The following STX8 variants were observed in gnomAD, a reference collection of about 807,000 sequenced individuals.
STX8 encodes syntaxin-8.
In STX8, 23 loss-of-function variants were observed where a neutral mutation model predicts 37.5. The ratio of observed to expected loss-of-function variants is 0.61; its 90% CI spans 0.44 to 0.87. The LOEUF is 0.87. STX8 is among the 40% of genes least tolerant of loss of function. The pLI is 0.00. For synonymous variants in STX8, 115 were observed against 99.1 expected, an observed-to-expected ratio of 1.16 and a Z score of -0.95; for missense variants, 313 against 284.7, an observed-to-expected ratio of 1.10 and a Z score of -0.71.
At chr17:9,409,825 T>A (rs1265946914) in intron 6 of STX8, among the ~76,000 whole-genome samples, 1 of 152,226 alleles carries the variant, frequency 6.6e-6, no homozygotes, top group Non-Finnish European at 1.5e-5. Context: ...TCCTCCCTTG[T>A]GAATGCTTTT....
intron 6 of STX8, among the ~76,000 whole-genome samples, chr17:9,396,466 T>G (rs1912406332): frequency 6.6e-6 from 1 of 151,842 alleles, no homozygotes; most frequent in Admixed American, 6.6e-5. Context: ...GCGGGTCATC[T>G]GAGGTCAGCT....
At chr17:9,461,431 T>C (rs56406521) in intron 6 of STX8, 5,653 of 152,298 alleles carry the variant, frequency 0.037, 129 homozygotes, top group East Asian at 0.064. Context: ...AAATTATGAA[T>C]ACATTGTTCC....
At chr17:9,417,213 TA>T (rs1913232588) in intron 6 of STX8, among the ~76,000 whole-genome samples, 1 of 152,222 alleles carries the variant, frequency 6.6e-6, no homozygotes, top group Non-Finnish European at 1.5e-5. Context: ...TCTACTGCAA[TA>T]ACGCTGTCTC....
At chr17:9,288,675 AAAAT>A (rs560148486) in intron 7 of STX8, among the ~76,000 whole-genome samples, 2,335 of 151,032 alleles carry the variant, frequency 0.015, 49 homozygotes, top group African/African-American at 0.053. Flanking sequence ...ATAAATAAAT[AAAAT>A]AAATAAATAA....
intron 7 of STX8, among the ~76,000 whole-genome samples, chr17:9,332,710 C>G (rs1352038243): frequency 6.6e-6 from 1 of 152,212 alleles, no homozygotes; most frequent in African/African-American, 2.4e-5. Flanking sequence ...AGAGGGCCTT[C>G]TGGCTGTCTA....
chr17:9,308,538 G>C (rs1273492510), intron 7 of STX8, among the ~76,000 whole-genome samples: 1 of 151,874 alleles, frequency 6.6e-6, no homozygotes, highest in Non-Finnish European at 1.5e-5. Context: ...GCCTGGCCAA[G>C]ATGGTGAAAC....
intron 7 of STX8, among the ~76,000 whole-genome samples, chr17:9,339,070 C>CAAAAAAAAAAAAAAAAAAAAAAAAAAA (rs34987749): frequency 1.1e-4 from 8 of 70,018 alleles, no homozygotes; most frequent in African/African-American, 4.5e-4. Context: ...GACTCCGTCT[C>CAAAAAAAAAAAAAAAAAAAAAAAAAAA]AAAAAAAAAA....
chr17:9,568,325 C>T, intron 2 of STX8, 46 bp downstream of exon 2: 1 of 1,506,154 alleles, frequency 6.6e-7, no homozygotes, highest in Non-Finnish European at 9.2e-7. Flanking sequence ...TTTCAGGCCT[C>T]AAAACTCAAA....
chr17:9,545,458 C>T lies in STX8; in HGVS notation c.213-176G>A, dbSNP rs184793285. ...GCTCTGACCTTCACCTTCACCAGGC[C>T]GTCAGGTAAAGGACCTTGGCAGGAC... On this transcript the variant is annotated intron_variant, in intron 3 of 7. Coordinates refer to ENST00000306357, the MANE Select transcript of STX8 (RefSeq NM_004853.3). Among the ~76,000 whole-genome samples the T allele has an allele frequency of 1.5e-4, 23 of 152,272 alleles. 1 individual carries two copies. The South Asian group carries it at 2.5e-3, about 16-fold the overall frequency.
chr17:9,455,435 G>A (rs1905160846), intron 6 of STX8, among the ~76,000 whole-genome samples: 1 of 152,052 alleles, frequency 6.6e-6, no homozygotes, highest in East Asian at 1.9e-4. Context: ...AGGAGGCGGA[G>A]GTTGCAGTGA....
chr17:9,357,428 G>A (rs759766199), intron 7 of STX8, among the ~76,000 whole-genome samples: 28 of 152,018 alleles, frequency 1.8e-4, no homozygotes, highest in Non-Finnish European at 3.2e-4. Flanking sequence ...GGTGGCTCAC[G>A]CCTGTAATCC....
chr17:9,356,441 T>C (rs1010762794), intron 7 of STX8, among the ~76,000 whole-genome samples: 6 of 152,214 alleles, frequency 3.9e-5, no homozygotes, highest in Non-Finnish European at 7.3e-5. Flanking sequence ...ATCTCAGTGG[T>C]GCCCATGTAA....
chr17:9,572,849 T>C (rs1270637676), intron 1 of STX8, among the ~76,000 whole-genome samples: 1 of 152,176 alleles, frequency 6.6e-6, no homozygotes, highest in Non-Finnish European at 1.5e-5. Flanking sequence ...ATCAAACTAA[T>C]GAAGTATAAC....
At chr17:9,470,911 T>C (rs1242133231) in intron 6 of STX8, among the ~76,000 whole-genome samples, 1 of 151,332 alleles carries the variant, frequency 6.6e-6, no homozygotes, top group East Asian at 2.0e-4. Flanking sequence ...TATTTTTTTT[T>C]TTTAGTAGAG....
At chr17:9,488,088 A>G (rs1203150067) in intron 6 of STX8, among the ~76,000 whole-genome samples, 1 of 152,120 alleles carries the variant, frequency 6.6e-6, no homozygotes, top group East Asian at 1.9e-4. Context: ...GCATTTTGAG[A>G]GGCCGAGGCG....
intron 7 of STX8, among the ~76,000 whole-genome samples, chr17:9,293,487 G>A (rs956664800): frequency 6.7e-6 from 1 of 150,252 alleles, no homozygotes; most frequent in African/African-American, 2.4e-5. Flanking sequence ...TTTTTTTAAT[G>A]AGAACATTAT....
chr17:9,346,198 G>A (rs998474366), intron 7 of STX8, among the ~76,000 whole-genome samples: 1 of 152,136 alleles, frequency 6.6e-6, no homozygotes, highest in Non-Finnish European at 1.5e-5. Context: ...GTACAGGAAA[G>A]CAGATCCTAT....
chr17:9,569,567 G>A lies in STX8; in HGVS notation c.18-1097C>T, dbSNP rs150475136. On this transcript the variant is annotated intron_variant, in intron 1 of 7. Coordinates refer to ENST00000306357, the MANE Select transcript of STX8 (RefSeq NM_004853.3). ...CTTCTAGTTGTCATTCAGCAGCGTT[G>A]GAGGCTTTGAAGGGTTCACGGTGAA... 1,194 of 152,688 alleles carry A rather than the reference G, an allele frequency of 7.8e-3. 3 individuals are homozygous for A. Among genetic ancestry groups the A allele is most frequent in the Non-Finnish European group, 0.012 (801 of 68,032 alleles). 9.5% of individuals were successfully genotyped at this position (152,688 alleles called of 1,614,324 possible). A position where few individuals can be genotyped will look rare whatever the true frequency, so the allele number is the denominator to read the frequency against.
chr17:9,479,523 T>C (rs1906229955), intron 6 of STX8, among the ~76,000 whole-genome samples: 1 of 149,782 alleles, frequency 6.7e-6, no homozygotes, highest in African/African-American at 2.4e-5. Flanking sequence ...ATACATGTTA[T>C]AGATAAAGTA....
Sources: gnomAD v4.1 joint callset for allele counts (sites outside exome capture counted in the v4.1 genomes callset) on GRCh38, gnomAD v4.1.1 for gene constraint, MANE v1.5 for transcripts, NCBI Gene and HGNC (gene_info 2026-07-23, HGNC 2026-07-21) for gene names.